ETV7: variants seen among roughly 807,000 people sequenced by gnomAD.
ETV7 encodes ETS variant transcription factor 7.
ETV7 carries 43 observed loss-of-function variants against 39.1 expected under a neutral mutation model. The observed-to-expected ratio is 1.10, with a 90% confidence interval of 0.86 to 1.42. The LOEUF (loss-of-function observed/expected upper bound fraction) is 1.42. Ranked by LOEUF, ETV7 falls within the 40% of genes most tolerant of loss-of-function variation. ETV7 has a pLI of 0.00. For synonymous variants in ETV7, 196 were observed against 176.6 expected, an observed-to-expected ratio of 1.11 and a Z score of -0.87; for missense variants, 432 against 442.3, an observed-to-expected ratio of 0.98 and a Z score of 0.21.
intron 3 of ETV7, 100 bp from the exon 4 acceptor site, chr6:36,373,678 A>G (rs1773160337): frequency 5.9e-6 from 8 of 1,359,608 alleles, no homozygotes; most frequent in South Asian, 1.5e-5. Flanking sequence ...AAGGGCTGGC[A>G]TGTCTTGTCA....
At chr6:36,363,334 G>T (rs1188988039), downstream of ETV7, among the ~76,000 whole-genome samples, 1 of 151,794 alleles carries the variant, frequency 6.6e-6, no homozygotes, top group Non-Finnish European at 1.5e-5. Flanking sequence ...TTCGCGGTGA[G>T]TGTTACAGCC....
At chr6:36,373,348 C>G in intron 4 of ETV7, 105 bp downstream of exon 4, 1 of 1,354,310 alleles carries the variant, frequency 7.4e-7, no homozygotes, top group Non-Finnish European at 9.7e-7. Context: ...GGGGAGCTTG[C>G]CCACACTGGC....
intron 2 of ETV7, among the ~76,000 whole-genome samples, chr6:36,383,668 A>C (rs1199231285): frequency 2.0e-5 from 3 of 152,204 alleles, no homozygotes; most frequent in Non-Finnish European, 2.9e-5. Context: ...GAAAAGTCGA[A>C]TCTTCATTTG....
intron 2 of ETV7, among the ~76,000 whole-genome samples, chr6:36,381,145 C>A (rs1451977548): frequency 6.6e-6 from 1 of 152,152 alleles, no homozygotes; most frequent in African/African-American, 2.4e-5. Context: ...CTGGCTTCTC[C>A]CTACCTTGCA....
At chr6:36,357,250 C>T (rs1222316146) in intron 7 of ETV7, among the ~76,000 whole-genome samples, 1 of 152,124 alleles carries the variant, frequency 6.6e-6, no homozygotes, top group Admixed American at 6.5e-5. Flanking sequence ...TATGGCTGCA[C>T]AGAGAGGGCA....
At chr6:36,383,080 A>C (rs1029586692) in intron 2 of ETV7, among the ~76,000 whole-genome samples, 2 of 151,386 alleles carry the variant, frequency 1.3e-5, no homozygotes, top group African/African-American at 4.9e-5. Context: ...ACCTCCTCCC[A>C]GTCCCCTGTG....
At chr6:36,381,038 A>G (rs1167814541) in intron 2 of ETV7, among the ~76,000 whole-genome samples, 1 of 151,504 alleles carries the variant, frequency 6.6e-6, no homozygotes, top group African/African-American at 2.4e-5. Context: ...GCTATTTCCC[A>G]CCACTTCCCA....
chr6:36,378,858 A>G (rs912833172), intron 2 of ETV7, among the ~76,000 whole-genome samples: 2 of 152,268 alleles, frequency 1.3e-5, no homozygotes, highest in Non-Finnish European at 2.9e-5. Flanking sequence ...AATTGCTGCC[A>G]GGTGAGATCC....
Position 36,366,692 on chromosome 6 carries a change from G to T in ETV7, c.979C>A (p.Gln327Lys), listed in dbSNP as rs751293696. 1.2e-6 allele frequency: 2 copies of T among 1,614,130 alleles called. No homozygotes were observed. The highest frequency in any genetic ancestry group is 1.7e-6 in the Non-Finnish European group (2 of 1,180,016). Reference protein sequence around the residue: ...SHLEPLESQEQDRIEFKDKRP... With the variant: ...SHLEPLESQEKDRIEFKDKRP... ...TTGTCCTTGAACTCTATTCTGTCCT[G>T]CTCCTGGCTCTCCAGCGGCTCCAGG... The change falls in exon 8 of 8, where the codon CAG becomes AAG. Residue 327 changes from glutamine (Q) to lysine (K), a missense_variant. By Grantham distance (53) the Gln-to-Lys change is moderately conservative. Transcript: ENST00000340181.
At chr6:36,374,927 G>A (rs1462931491) in intron 3 of ETV7, among the ~76,000 whole-genome samples, 1 of 152,134 alleles carries the variant, frequency 6.6e-6, no homozygotes, top group African/African-American at 2.4e-5. Context: ...AAATTAGCCG[G>A]GCGTGGTGGC....
At chr6:36,358,565 C>T (rs561165982) in intron 7 of ETV7, among the ~76,000 whole-genome samples, 68 of 152,358 alleles carry the variant, frequency 4.5e-4, no homozygotes, top group African/African-American at 1.6e-3. Context: ...TCAAGGTCCC[C>T]CTGATGTTCA....
At chr6:36,369,092 T>G (rs201398901) in intron 5 of ETV7, 21 bp from the exon 6 acceptor site, 3 of 1,613,368 alleles carry the variant, frequency 1.9e-6, no homozygotes, top group Non-Finnish European at 2.5e-6. Flanking sequence ...GCACAGGGAG[T>G]GCAGGCAGCG....
At chr6:36,363,156 C>G (rs1772568437), downstream of ETV7, among the ~76,000 whole-genome samples, 1 of 152,234 alleles carries the variant, frequency 6.6e-6, no homozygotes, top group Non-Finnish European at 1.5e-5. Flanking sequence ...CTGGTGGGTT[C>G]TTGGTCTCAC....
intron 5 of ETV7, 62 bp downstream of exon 5, chr6:36,371,268 C>A: frequency 1.4e-6 from 2 of 1,462,680 alleles, no homozygotes; most frequent in South Asian, 2.4e-5. Context: ...CCTCATCACT[C>A]GTGACTCTGA....
chr6:36,356,323 C>CAAAAAAAAAAAAAAAAAAAAAAAA (rs59649348), intron 7 of ETV7, among the ~76,000 whole-genome samples: 4 of 77,652 alleles, frequency 5.2e-5, no homozygotes, highest in Non-Finnish European at 8.7e-5. Context: ...GACCCTGTCT[C>CAAAAAAAAAAAAAAAAAAAAAAAA]AAAAAAAAAA....
chr6:36,356,277 T>C (rs1772333251), intron 7 of ETV7, among the ~76,000 whole-genome samples: 1 of 137,198 alleles, frequency 7.3e-6, no homozygotes. Context: ...TGAGCAATGA[T>C]GGCACCATTG....
chr6:36,385,534 G>A lies in ETV7; in HGVS notation c.142C>T (p.Arg48Cys), dbSNP rs746194420. The A allele has an allele frequency of 1.5e-5, 25 of 1,613,978 alleles. No homozygotes were observed. The highest frequency in any genetic ancestry group is 8.0e-5 in the African/African-American group (6 of 74,902). ...GGICKLPGRL[R>C]IQPALWSRED... ...AGCTTTTCTCCTCCCCTCTACTTAC[G>A]GAGTCTTCCTGGCAGCTTGCAGATC... Residue 48 changes from arginine (R) to cysteine (C), a missense_variant and splice_region_variant, in exon 2 of 8, where the codon CGC (arginine) becomes TGC (cysteine). Physicochemically the swap from Arg to Cys is radical, Grantham distance 180. Transcript: ENST00000340181.
intron 7 of ETV7, among the ~76,000 whole-genome samples, chr6:36,355,418 G>A (rs1475711735): frequency 6.7e-6 from 1 of 149,452 alleles, no homozygotes; most frequent in Non-Finnish European, 1.5e-5. Flanking sequence ...TTGAGACAGA[G>A]TCTCACTCTG....
At chr6:36,363,069 T>C (rs1367329392), downstream of ETV7, among the ~76,000 whole-genome samples, 1 of 151,888 alleles carries the variant, frequency 6.6e-6, no homozygotes, top group Non-Finnish European at 1.5e-5. Flanking sequence ...AATGAGGGCC[T>C]GGATAAATTC....
Sources: allele counts gnomAD v4.1 joint callset (sites outside exome capture counted in the v4.1 genomes callset), GRCh38; gene constraint gnomAD v4.1.1; transcripts MANE v1.5; gene names NCBI Gene and HGNC (gene_info 2026-07-23, HGNC 2026-07-21).